Variants in BRD10 observed in about 807,000 individuals in gnomAD.
BRD10 encodes bromodomain containing 10.
chr9:5,978,962 T>C, the BRD10 span, among the ~76,000 whole-genome samples: 3 of 152,214 alleles, frequency 2.0e-5, no homozygotes, highest in Admixed American at 6.5e-5. Context: ...TTAAAACTTG[T>C]ACTATAGGAA....
the BRD10 span, chr9:5,954,067 G>A: frequency 6.4e-7 from 1 of 1,560,876 alleles, no homozygotes; most frequent in Non-Finnish European, 8.7e-7. Flanking sequence ...TCTTCTTTGT[G>A]ATTGCTTTTT....
chr9:5,969,204 T>C, the BRD10 span: 4 of 1,613,880 alleles, frequency 2.5e-6, no homozygotes, highest in Non-Finnish European at 3.4e-6. Context: ...GTCATTATTT[T>C]CGATAGAAAA....
chr9:5,895,399 T>C, the BRD10 span, among the ~76,000 whole-genome samples: 2 of 151,846 alleles, frequency 1.3e-5, no homozygotes, highest in Admixed American at 6.5e-5. Context: ...TTTTTTTTAA[T>C]TTTTTTGCAT....
the BRD10 span, among the ~76,000 whole-genome samples, chr9:5,993,165 A>T: frequency 6.6e-6 from 1 of 152,178 alleles, no homozygotes; most frequent in East Asian, 1.9e-4. Context: ...ATAATAAAAA[A>T]TTAGCTGGGC....
At chr9:5,896,638 T>G in the BRD10 span, among the ~76,000 whole-genome samples, 2 of 152,072 alleles carry the variant, frequency 1.3e-5, no homozygotes. Flanking sequence ...GATAACAGAG[T>G]CAGTTCTGTC....
chr9:5,995,693 A>ACC, the BRD10 span, among the ~76,000 whole-genome samples: 1 of 152,172 alleles, frequency 6.6e-6, no homozygotes, highest in East Asian at 1.9e-4. Context: ...CTATCTGGTC[A>ACC]CCCTTTGTTA....
the BRD10 span, among the ~76,000 whole-genome samples, chr9:5,992,594 G>T: frequency 7.9e-5 from 12 of 151,860 alleles, no homozygotes; most frequent in African/African-American, 2.7e-4. Flanking sequence ...CTGTCTATTA[G>T]GGAAATCATT....
the BRD10 span, among the ~76,000 whole-genome samples, chr9:6,006,399 C>T: frequency 6.6e-6 from 1 of 152,206 alleles, no homozygotes; most frequent in Non-Finnish European, 1.5e-5. Flanking sequence ...AATTTTTCCA[C>T]TCCCGAAAAA....
the BRD10 span, among the ~76,000 whole-genome samples, chr9:5,998,441 T>C: frequency 1.3e-5 from 2 of 152,136 alleles, no homozygotes; most frequent in Non-Finnish European, 2.9e-5. Flanking sequence ...ATACTGTCAA[T>C]CCTACCACCA....
At chr9:5,989,447 T>C in the BRD10 span, among the ~76,000 whole-genome samples, 4 of 147,820 alleles carry the variant, frequency 2.7e-5, no homozygotes, top group Admixed American at 1.4e-4. Flanking sequence ...AAAAAGAAAA[T>C]TTATATAAAT....
the BRD10 span, among the ~76,000 whole-genome samples, chr9:5,963,716 C>A: frequency 9.9e-5 from 15 of 152,094 alleles, no homozygotes; most frequent in African/African-American, 3.4e-4. Context: ...GATATAGATC[C>A]ATGGAACAGA....
At chr9:5,968,200 T>C in the BRD10 span, 2 of 1,612,818 alleles carry the variant, frequency 1.2e-6, no homozygotes, top group Non-Finnish European at 1.7e-6. Context: ...TCATTTTAGT[T>C]AGTTTGAGTT....
the BRD10 span, among the ~76,000 whole-genome samples, chr9:5,992,855 T>C: frequency 1.1e-4 from 17 of 152,100 alleles, no homozygotes; most frequent in Non-Finnish European, 1.9e-4. Context: ...TAAGCTTTAC[T>C]TATAGTTAAC....
the BRD10 span, chr9:5,920,983 A>G: frequency 6.2e-7 from 1 of 1,613,858 alleles, no homozygotes; most frequent in South Asian, 1.1e-5. Context: ...CAGCTGAAGC[A>G]GAGGCTGAGG....
the BRD10 span, among the ~76,000 whole-genome samples, chr9:5,885,486 T>C: frequency 1.3e-5 from 2 of 151,906 alleles, no homozygotes; most frequent in African/African-American, 4.8e-5. Context: ...TTCTCCTACC[T>C]CAGCCTCCTG....
At chr9:5,886,866 AG>A in the BRD10 span, among the ~76,000 whole-genome samples, 1 of 152,220 alleles carries the variant, frequency 6.6e-6, no homozygotes. Flanking sequence ...CTGTTCACAT[AG>A]CCCTGAAAGG....
At chr9:5,964,654 C>G in the BRD10 span, among the ~76,000 whole-genome samples, 18 of 144,468 alleles carry the variant, frequency 1.2e-4, no homozygotes, top group East Asian at 3.6e-3. Context: ...TTGGAACCAA[C>G]CCAAATGTCC....
chr9:5,948,081 C>T, the BRD10 span, among the ~76,000 whole-genome samples: 4 of 152,122 alleles, frequency 2.6e-5, no homozygotes, highest in African/African-American at 7.2e-5. Flanking sequence ...TGTCACACTC[C>T]CTCAAGTTAA....
the BRD10 span, among the ~76,000 whole-genome samples, chr9:5,975,094 A>C: frequency 6.6e-6 from 1 of 152,252 alleles, no homozygotes. Flanking sequence ...ATGACCCATG[A>C]TGAGAAAAAT....
Sources: gnomAD v4.1 joint callset for allele counts (sites outside exome capture counted in the v4.1 genomes callset) on GRCh38, gnomAD v4.1.1 for gene constraint, MANE v1.5 for transcripts, NCBI Gene and HGNC (gene_info 2026-07-23, HGNC 2026-07-21) for gene names.